SIPA1L2: variants seen among roughly 807,000 people sequenced by gnomAD.
SIPA1L2 encodes signal-induced proliferation-associated 1-like protein 2.
A neutral mutation model predicts 163.9 loss-of-function variants in SIPA1L2; 56 were observed. The observed-to-expected ratio is 0.34, with a 90% CI of 0.28 to 0.43. SIPA1L2 has a LOEUF of 0.43. Ranked by LOEUF, SIPA1L2 falls within the 20% of genes least tolerant of loss-of-function variation. The pLI, the probability that SIPA1L2 is intolerant of heterozygous loss-of-function variation, is 1.00. For missense variants in SIPA1L2, 1,974 were observed against 2,193.5 expected (o/e 0.90, Z 2.00); for synonymous variants, 877 against 865.7 (o/e 1.01, Z -0.23).
intron 1 of SIPA1L2, among the ~76,000 whole-genome samples, chr1:232,615,696 T>C (rs929162636): frequency 6.6e-6 from 1 of 152,236 alleles, no homozygotes; most frequent in Non-Finnish European, 1.5e-5. Flanking sequence ...TTCGAAGTTA[T>C]AGAATCTGTC....
intron 2 of SIPA1L2, among the ~76,000 whole-genome samples, chr1:232,532,357 G>C (rs1210299994): frequency 1.3e-5 from 2 of 152,156 alleles, no homozygotes; most frequent in Non-Finnish European, 2.9e-5. Flanking sequence ...GAAGGGAGTA[G>C]CAGTTACGGT....
intron 4 of SIPA1L2, 38 bp from the exon 5 acceptor site, chr1:232,491,100 T>C (rs1212557329): frequency 1.3e-6 from 2 of 1,561,866 alleles, no homozygotes; most frequent in East Asian, 2.3e-5. Flanking sequence ...TTAATATTGA[T>C]TCTCAATTAC....
chr1:232,617,159 T>C (rs1662542894), intron 1 of SIPA1L2, among the ~76,000 whole-genome samples: 1 of 152,256 alleles, frequency 6.6e-6, no homozygotes, highest in East Asian at 1.9e-4. Flanking sequence ...AAGTATCAGA[T>C]ACAAATAAAC....
At chr1:232,423,785 G>A (rs987796139) in intron 18 of SIPA1L2, among the ~76,000 whole-genome samples, 3 of 152,162 alleles carry the variant, frequency 2.0e-5, no homozygotes, top group East Asian at 1.9e-4. Flanking sequence ...TCTAGATGAC[G>A]CAATATTATT....
At chr1:232,468,741 T>C (rs926076851) in intron 8 of SIPA1L2, among the ~76,000 whole-genome samples, 1 of 152,212 alleles carries the variant, frequency 6.6e-6, no homozygotes, top group African/African-American at 2.4e-5. Context: ...CCACTTTTAA[T>C]TCACTCTTAG....
At position 232,514,923 on chromosome 1, in the gene SIPA1L2, G is replaced by A; in HGVS notation, c.417C>T (p.Tyr139=). ...QLDLDFVEAK[Y]TIGDIFVHSP... ...AATGGACAAAGATGTCTCCGATTGTGTACTTGGCCTCCACGAAGTCCAGAT... is the reference window on the plus strand; with the variant it reads ...AATGGACAAAGATGTCTCCGATTGTATACTTGGCCTCCACGAAGTCCAGAT... Residue 139 remains tyrosine, a synonymous_variant, in exon 3 of 23, where the codon TAC becomes TAT. Coordinates refer to ENST00000674635, the MANE Select transcript of SIPA1L2 (RefSeq NM_020808.5). The A allele has an allele frequency of 6.2e-7, 1 of 1,614,152 alleles. No individual in the cohort carries two copies. The highest frequency in any genetic ancestry group is 8.5e-7 in the Non-Finnish European group (1 of 1,180,016).
intron 2 of SIPA1L2, among the ~76,000 whole-genome samples, chr1:232,529,017 G>A (rs1320468722): frequency 6.6e-6 from 1 of 152,206 alleles, no homozygotes; most frequent in Non-Finnish European, 1.5e-5. Flanking sequence ...CAGAAGTTAA[G>A]TGATTTGCCT....
At chr1:232,542,638 C>T (rs1181837313) in intron 2 of SIPA1L2, among the ~76,000 whole-genome samples, 1 of 152,176 alleles carries the variant, frequency 6.6e-6, no homozygotes, top group Non-Finnish European at 1.5e-5. Flanking sequence ...TCCCACTCTC[C>T]AAGACGCCAG....
intron 1 of SIPA1L2, among the ~76,000 whole-genome samples, chr1:232,586,159 C>T (rs1435949218): frequency 9.9e-5 from 15 of 152,122 alleles, no homozygotes; most frequent in Non-Finnish European, 1.5e-5. Context: ...CTCCGCACAG[C>T]GATACAGTTT....
intron 6 of SIPA1L2, among the ~76,000 whole-genome samples, chr1:232,482,530 C>A (rs1665415386): frequency 6.6e-6 from 1 of 151,960 alleles, no homozygotes; most frequent in Non-Finnish European, 1.5e-5. Context: ...TGAATTATGT[C>A]TGAGGCATGG....
intron 3 of SIPA1L2, among the ~76,000 whole-genome samples, chr1:232,512,048 A>G (rs1419764802): frequency 1.3e-5 from 2 of 152,242 alleles, no homozygotes; most frequent in Non-Finnish European, 2.9e-5. Flanking sequence ...CAACCCCATC[A>G]AAAAGTGGGC....
intron 19 of SIPA1L2, 57 bp downstream of exon 19, chr1:232,415,437 C>G (rs1661189193): frequency 1.3e-6 from 2 of 1,538,070 alleles, no homozygotes; most frequent in East Asian, 2.4e-5. Context: ...CCGCACAGGC[C>G]CTGCAGGAAA....
At chr1:232,563,957 G>GTTTT in intron 2 of SIPA1L2, among the ~76,000 whole-genome samples, 1 of 24,682 alleles carries the variant, frequency 4.1e-5, no homozygotes, top group African/African-American at 2.9e-4. Flanking sequence ...TTTTTTTTTC[G>GTTTT]TGTGTGTGTG....
intron 10 of SIPA1L2, among the ~76,000 whole-genome samples, chr1:232,452,603 C>A (rs1241165380): frequency 6.6e-6 from 1 of 152,210 alleles, no homozygotes; most frequent in East Asian, 1.9e-4. Context: ...AAGGTGGAAT[C>A]CCTGCTGGCC....
At position 232,536,869 on chromosome 1, in the gene SIPA1L2, T is replaced by C. The variant is rs139030356; in HGVS notation, c.-269-21261A>G. Among the ~76,000 whole-genome samples, 1,241 of 152,340 alleles carry C rather than the reference T, an allele frequency of 8.1e-3. 23 individuals carry two copies. Among genetic ancestry groups the C allele is most frequent in the Admixed American group, 0.045 (693 of 15,306 alleles). On this transcript the variant is annotated intron_variant, in intron 2 of 22. Coordinates refer to ENST00000674635, the MANE Select transcript of SIPA1L2 (RefSeq NM_020808.5). ...GTGTCCAAATATTTGGGATGTCTTA[T>C]GGCTGAAGATGTTTTATCTCAAAGA...
intron 1 of SIPA1L2, among the ~76,000 whole-genome samples, chr1:232,617,287 T>G (rs1351971076): frequency 6.6e-6 from 1 of 152,162 alleles, no homozygotes; most frequent in African/African-American, 2.4e-5. Context: ...GCACCTCATC[T>G]CCAGAATGAA....
chr1:232,432,465 A>G lies in SIPA1L2; in HGVS notation c.4038T>C (p.Ser1346=). 1 of 1,613,928 alleles carries G rather than the reference A, an allele frequency of 6.2e-7. No homozygotes were observed. Among genetic ancestry groups the G allele is most frequent in the South Asian group, 1.1e-5 (1 of 91,076 alleles). ...GAGCTGAAGGGCTTCCTGAATGGTG[A>G]GAACCACTGAGGAGAAAAACAGACA... ...LSEISSHSSG[S]HHSGSPSAHC... is the part of the protein sequence containing the mutation. The change falls in exon 16 of 23, where the codon TCT becomes TCC. Residue 1346 remains serine (S), a synonymous_variant. Coordinates refer to ENST00000674635, the MANE Select transcript of SIPA1L2 (RefSeq NM_020808.5).
At chr1:232,511,647 C>G (rs1230029205) in intron 3 of SIPA1L2, among the ~76,000 whole-genome samples, 1 of 152,114 alleles carries the variant, frequency 6.6e-6, no homozygotes, top group East Asian at 1.9e-4. Context: ...GAGTGACCTC[C>G]TAAGGTCTGT....
At chr1:232,564,979 A>T (rs1460148766) in intron 2 of SIPA1L2, among the ~76,000 whole-genome samples, 1 of 152,170 alleles carries the variant, frequency 6.6e-6, no homozygotes, top group Non-Finnish European at 1.5e-5. Context: ...TGACGGGTTG[A>T]TAGGTGTAGC....
Sources: gnomAD v4.1 joint callset for allele counts (sites outside exome capture counted in the v4.1 genomes callset) on GRCh38, gnomAD v4.1.1 for gene constraint, MANE v1.5 for transcripts, NCBI Gene and HGNC (gene_info 2026-07-23, HGNC 2026-07-21) for gene names.